The following MRTFB variants were observed in gnomAD, a reference collection of about 807,000 sequenced individuals.
MRTFB encodes the protein myocardin-related transcription factor B.
MRTFB carries 29 observed loss-of-function variants against 104.2 expected under a neutral mutation model. That is an observed-to-expected ratio of 0.28 (90% CI 0.21 to 0.38). MRTFB has a LOEUF of 0.38. Ranked by LOEUF, MRTFB falls within the 10% of genes least tolerant of loss-of-function variation. MRTFB has a pLI of 1.00. For missense variants in MRTFB, 1,270 were observed against 1,341.6 expected (o/e 0.95, Z 0.83); for synonymous variants, 535 against 519.5 (o/e 1.03, Z -0.41).
the MRTFB span, among the ~76,000 whole-genome samples, chr16:14,014,412 T>A: frequency 2.5e-3 from 377 of 152,080 alleles, 2 homozygotes; most frequent in African/African-American, 8.7e-3. Flanking sequence ...AATAGTTAGC[T>A]GGGCATGGTG....
At chr16:14,125,087 A>G (rs906466012) in intron 2 of MRTFB, among the ~76,000 whole-genome samples, 1 of 152,224 alleles carries the variant, frequency 6.6e-6, no homozygotes, top group African/African-American at 2.4e-5. Context: ...GCTGCAGCCT[A>G]CAGGTTAAGG....
At chr16:14,060,865 G>A in the MRTFB span, among the ~76,000 whole-genome samples, 1 of 151,956 alleles carries the variant, frequency 6.6e-6, no homozygotes, top group Admixed American at 6.6e-5. Flanking sequence ...ACCAAAGTTT[G>A]GCCGGGCGCG....
chr16:14,055,347 G>A, the MRTFB span, among the ~76,000 whole-genome samples: 16 of 152,136 alleles, frequency 1.1e-4, no homozygotes, highest in Admixed American at 3.9e-4. Flanking sequence ...GTGAAACTCC[G>A]TCTCAAAAGA....
chr16:14,004,974 C>G, the MRTFB span, among the ~76,000 whole-genome samples: 1 of 152,380 alleles, frequency 6.6e-6, no homozygotes, highest in South Asian at 2.1e-4. Context: ...GACTAAATCT[C>G]ACTGCCAAGG....
chr16:14,197,584 A>G (rs1485265029), intron 3 of MRTFB, among the ~76,000 whole-genome samples: 1 of 152,212 alleles, frequency 6.6e-6, no homozygotes, highest in Non-Finnish European at 1.5e-5. Flanking sequence ...GTTTTCTTAG[A>G]AAATAGCAAC....
chr16:14,158,736 G>A (rs990620389), intron 3 of MRTFB, among the ~76,000 whole-genome samples: 5 of 152,106 alleles, frequency 3.3e-5, no homozygotes, highest in African/African-American at 9.7e-5. Context: ...AAAGTCTGTT[G>A]AAGGTTAAGA....
At chr16:14,119,099 T>G (rs1304497097) in intron 2 of MRTFB, among the ~76,000 whole-genome samples, 1 of 152,156 alleles carries the variant, frequency 6.6e-6, no homozygotes, top group Non-Finnish European at 1.5e-5. Context: ...TTAAATATAA[T>G]AGAATTTAAT....
intron 2 of MRTFB, among the ~76,000 whole-genome samples, chr16:14,101,084 C>A (rs139552913): frequency 4.5e-4 from 61 of 136,260 alleles, no homozygotes; most frequent in African/African-American, 1.6e-3. Context: ...ACTGCTTTCT[C>A]TTTTCTGCTT....
intron 2 of MRTFB, among the ~76,000 whole-genome samples, chr16:14,117,986 C>T (rs928598009): frequency 1.3e-5 from 2 of 152,060 alleles, no homozygotes; most frequent in African/African-American, 4.8e-5. Context: ...ATAACCTCCA[C>T]CTAGCTTAGT....
chr16:14,211,998 G>A (rs1225428922), intron 4 of MRTFB, among the ~76,000 whole-genome samples: 3 of 152,098 alleles, frequency 2.0e-5, no homozygotes, highest in Non-Finnish European at 4.4e-5. Context: ...AAGGACATAC[G>A]GACTTTTTCT....
chr16:14,078,661 C>G (rs1338825255), intron 1 of MRTFB, among the ~76,000 whole-genome samples: 2 of 151,420 alleles, frequency 1.3e-5, no homozygotes, highest in Admixed American at 6.6e-5. Flanking sequence ...AACTTCAGGG[C>G]TCAAGCGATT....
intron 3 of MRTFB, among the ~76,000 whole-genome samples, chr16:14,193,436 A>T (rs556421972): frequency 7.9e-5 from 12 of 152,146 alleles, no homozygotes; most frequent in Non-Finnish European, 1.5e-4. Flanking sequence ...CCCTGGCCTG[A>T]GCACCTGCAG....
intron 12 of MRTFB, 35 bp downstream of exon 12, chr16:14,247,542 A>C (rs1036715346): frequency 2.0e-6 from 3 of 1,512,756 alleles, no homozygotes; most frequent in Non-Finnish European, 1.8e-6. Context: ...TTTGCCTTAC[A>C]GCATGCATGG....
Position 14,262,899 on chromosome 16 carries a change from T to G in MRTFB, c.*1455T>G, listed in dbSNP as rs954827164. ...AACCCTCAGGTCAGGTTGGTTCCCC[T>G]GGGTCACAAAATGGTAAATGTTCCA... On this transcript the variant is annotated 3_prime_UTR_variant, in exon 17 of 17. Coordinates refer to ENST00000571589, the MANE Select transcript of MRTFB (RefSeq NM_001308142.2). The G allele has an allele frequency of 1.3e-5, 2 of 152,404 alleles. No homozygotes were observed. The highest frequency in any genetic ancestry group is 2.1e-4 in the South Asian group (1 of 4,828). 9.4% of individuals were successfully genotyped at this position (152,404 alleles called of 1,614,324 possible).
rs116639491 is a variant in MRTFB at position 14,261,253 on chromosome 16, G to A, written c.3109G>A (p.Glu1037Lys). Residue 1037 changes from glutamate (E) to lysine (K), a missense_variant, in exon 17 of 17, where the codon GAG becomes AAG. By Grantham distance (56) the Glu-to-Lys change is moderately conservative. Around this residue, in one of 3 missense-constraint regions of MRTFB, gnomAD observed 1,144 missense variants for 1,131.5 expected, o/e 1.01. Transcript: ENST00000571589. ...DHSHSPMETS[E>K]TQFAAGTPCL... ...TTCACACTCACCCATGGAGACTTCC[G>A]AGACCCAGTTTGCTGCAGGTACTCC... 6.8e-6 allele frequency: 11 copies of A among 1,614,088 alleles called. No individual in the cohort carries two copies. Among genetic ancestry groups the A allele is most frequent in the African/African-American group, 6.7e-5 (5 of 74,998 alleles).
chr16:14,261,373 A>G lies in MRTFB; in HGVS notation c.3229A>G (p.Ser1077Gly). The G allele has an allele frequency of 6.2e-7, 1 of 1,614,122 alleles. No individual in the cohort carries two copies. The highest frequency in any genetic ancestry group is 8.5e-7 in the Non-Finnish European group (1 of 1,180,030). Reference protein sequence around the residue: ...PNSSSGLTPLSTTAPSMFSAD... With the variant: ...PNSSSGLTPLGTTAPSMFSAD... ...CTCCTCTTCAGGACTCACTCCTCTCAGCACCACCGCGCCGAGCATGTTCTC... is the reference window on the plus strand; with the variant it reads ...CTCCTCTTCAGGACTCACTCCTCTCGGCACCACCGCGCCGAGCATGTTCTC... The change falls in exon 17 of 17, where the codon AGC becomes GGC. Residue 1077 changes from serine to glycine, a missense_variant. By Grantham distance (56) the Ser-to-Gly change is moderately conservative (BLOSUM62 0). This residue lies in a region of MRTFB where 1,144 missense variants were observed against 1,131.5 expected (regional missense o/e 1.01). Transcript: ENST00000571589.
At chr16:14,079,419 C>G (rs1182082981) in intron 2 of MRTFB, 65 bp downstream of exon 2, 7 of 330,068 alleles carry the variant, frequency 2.1e-5, no homozygotes, top group Non-Finnish European at 3.3e-5. Context: ...TTTACCTCCT[C>G]TTACAGCCTG....
At chr16:14,043,452 T>C in the MRTFB span, among the ~76,000 whole-genome samples, 1 of 152,022 alleles carries the variant, frequency 6.6e-6, no homozygotes, top group Non-Finnish European at 1.5e-5. Flanking sequence ...GTCCTGTGTC[T>C]GGCATGCACT....
intron 3 of MRTFB, among the ~76,000 whole-genome samples, chr16:14,149,797 A>T (rs1388713512): frequency 6.6e-6 from 1 of 152,190 alleles, no homozygotes; most frequent in Non-Finnish European, 1.5e-5. Context: ...CTGTATACAG[A>T]AAAATGATTG....
Sources: allele counts gnomAD v4.1 joint callset (sites outside exome capture counted in the v4.1 genomes callset), GRCh38; gene constraint gnomAD v4.1.1; regional missense constraint gnomAD v4.1.1; transcripts MANE v1.5; gene names NCBI Gene and HGNC (gene_info 2026-07-23, HGNC 2026-07-21).